The following SLC44A5 variants were observed in gnomAD, a reference collection of about 807,000 sequenced individuals.
SLC44A5 encodes choline transporter-like protein 5.
SLC44A5 carries 57 observed loss-of-function variants against 101.8 expected under a neutral mutation model. The ratio of observed to expected loss-of-function variants is 0.56; its 90% confidence interval spans 0.45 to 0.70. The LOEUF is 0.70. SLC44A5 is among the 30% of genes least tolerant of loss of function. The pLI, the probability that SLC44A5 is intolerant of heterozygous loss-of-function variation, is 0.00. For synonymous variants in SLC44A5, 281 were observed against 290.9 expected, an observed-to-expected ratio of 0.97 and a Z score of 0.35; for missense variants, 737 against 853.1, an observed-to-expected ratio of 0.86 and a Z score of 1.70.
At chr1:75,696,197 C>T in the SLC44A5 span, among the ~76,000 whole-genome samples, 10 of 152,144 alleles carry the variant, frequency 6.6e-5, no homozygotes, top group Middle Eastern at 3.2e-3. Context: ...AGGTGGAACA[C>T]TGCTTATTGT....
intron 4 of SLC44A5, among the ~76,000 whole-genome samples, chr1:75,327,927 G>A (rs917740971): frequency 6.6e-6 from 1 of 152,118 alleles, no homozygotes; most frequent in Non-Finnish European, 1.5e-5. Flanking sequence ...TTTAGATCTG[G>A]TAACCTGGCT....
At chr1:75,444,440 A>G (rs1450798323) in intron 2 of SLC44A5, among the ~76,000 whole-genome samples, 1 of 147,818 alleles carries the variant, frequency 6.8e-6, no homozygotes, top group East Asian at 1.9e-4. Context: ...AAAGACAGAG[A>G]AAGAAAGAAA....
intron 1 of SLC44A5, among the ~76,000 whole-genome samples, chr1:75,550,798 AAAG>A (rs1396065092): frequency 2.6e-5 from 4 of 152,260 alleles, no homozygotes; most frequent in South Asian, 2.1e-4. Context: ...CTTCTGAATG[AAAG>A]AAGAACATGT....
chr1:75,525,093 C>T (rs1002671030), intron 2 of SLC44A5, among the ~76,000 whole-genome samples: 4 of 151,950 alleles, frequency 2.6e-5, no homozygotes, highest in Non-Finnish European at 4.4e-5. Flanking sequence ...CTTTTTATAC[C>T]TCCCAATGAA....
At chr1:75,688,618 C>T in the SLC44A5 span, among the ~76,000 whole-genome samples, 1 of 152,162 alleles carries the variant, frequency 6.6e-6, no homozygotes, top group Non-Finnish European at 1.5e-5. Flanking sequence ...AAAGCCCTCC[C>T]ATTTTCAAAG....
intron 2 of SLC44A5, among the ~76,000 whole-genome samples, chr1:75,441,088 T>G (rs1665170195): frequency 6.6e-6 from 1 of 152,066 alleles, no homozygotes; most frequent in Non-Finnish European, 1.5e-5. Context: ...AATCCTTGAA[T>G]TGTTAAAGAG....
chr1:75,302,722 A>G (rs994984060), intron 4 of SLC44A5, among the ~76,000 whole-genome samples: 10 of 152,220 alleles, frequency 6.6e-5, no homozygotes, highest in Admixed American at 3.9e-4. Flanking sequence ...CTTTGGAGCC[A>G]TTATAAAGTA....
chr1:75,716,177 T>C, the SLC44A5 span, among the ~76,000 whole-genome samples: 2 of 151,974 alleles, frequency 1.3e-5, no homozygotes, highest in African/African-American at 2.4e-5. Flanking sequence ...GCTGGCAAGG[T>C]TGTGGAGAAA....
the SLC44A5 span, chr1:75,723,731 G>T: frequency 2.0e-5 from 3 of 152,076 alleles, no homozygotes; most frequent in African/African-American, 7.3e-5. Flanking sequence ...TCCCTTTTCC[G>T]AATTTTCCTG....
At chr1:75,534,240 T>TA (rs1211888607) in intron 2 of SLC44A5, among the ~76,000 whole-genome samples, 2 of 152,094 alleles carry the variant, frequency 1.3e-5, no homozygotes, top group African/African-American at 2.4e-5. Context: ...AATCACCTGT[T>TA]AAAGTCGTCG....
intron 2 of SLC44A5, among the ~76,000 whole-genome samples, chr1:75,459,896 C>T (rs1048838579): frequency 3.9e-5 from 6 of 152,140 alleles, no homozygotes; most frequent in African/African-American, 1.4e-4. Context: ...AAGAAATCCT[C>T]CTGCTGCAGT....
intron 5 of SLC44A5, among the ~76,000 whole-genome samples, chr1:75,295,478 G>C (rs552930737): frequency 1.3e-5 from 2 of 152,298 alleles, no homozygotes; most frequent in South Asian, 2.1e-4. Flanking sequence ...CTCTGAACTA[G>C]GTTTGCTGGA....
At chr1:75,535,475 A>C (rs940297795) in intron 2 of SLC44A5, among the ~76,000 whole-genome samples, 1 of 152,072 alleles carries the variant, frequency 6.6e-6, no homozygotes, top group Non-Finnish European at 1.5e-5. Context: ...CCTCAGAAAA[A>C]TCCAGCCACA....
At chr1:75,258,496 G>T (rs1192554181) in intron 6 of SLC44A5, among the ~76,000 whole-genome samples, 1 of 151,994 alleles carries the variant, frequency 6.6e-6, no homozygotes, top group Non-Finnish European at 1.5e-5. Flanking sequence ...CTCTGGGCAG[G>T]GCATCTCTGA....
chr1:75,472,735 C>T (rs1427948512), intron 2 of SLC44A5, among the ~76,000 whole-genome samples: 4 of 152,120 alleles, frequency 2.6e-5, no homozygotes, highest in Admixed American at 6.5e-5. Flanking sequence ...ATGATTAAAG[C>T]ACAAATGTGG....
chr1:75,503,722 G>A (rs986883962), intron 2 of SLC44A5, among the ~76,000 whole-genome samples: 1 of 152,146 alleles, frequency 6.6e-6, no homozygotes, highest in African/African-American at 2.4e-5. Context: ...TTATTGGCCT[G>A]TCATAATACT....
chr1:75,641,589 T>A, the SLC44A5 span: 1 of 1,512,786 alleles, frequency 6.6e-7, no homozygotes, highest in Non-Finnish European at 9.2e-7. Flanking sequence ...TCCCCTTCAA[T>A]CAGATTACAT....
In SLC44A5 at chr1:75,428,071, G is replaced by T. The variant is rs1664413130; in HGVS notation, c.14-31450C>A. On this transcript the variant is annotated intron_variant, in intron 2 of 23. Transcript: ENST00000370859. ...AAGGAGGAATGTTTGATATGGTGGA[G>T]ACTGGAGGGCTGGAGTGAATAAAAT... is the stretch of plus-strand genomic sequence containing the variant. Among the ~76,000 whole-genome samples, 3 of 152,194 alleles carry T rather than the reference G, an allele frequency of 2.0e-5. No homozygotes were observed. In the South Asian group the frequency reaches 6.2e-4, roughly 31 times the overall value.
chr1:75,606,480 A>C (rs1557956901), intron 1 of SLC44A5, among the ~76,000 whole-genome samples: 1 of 152,116 alleles, frequency 6.6e-6, no homozygotes, highest in South Asian at 2.1e-4. Flanking sequence ...CAAGGAATAA[A>C]ACCCACTATT....
Sources: allele counts gnomAD v4.1 joint callset (sites outside exome capture counted in the v4.1 genomes callset), GRCh38; gene constraint gnomAD v4.1.1; transcripts MANE v1.5; gene names NCBI Gene and HGNC (gene_info 2026-07-23, HGNC 2026-07-21).